ARPP21: variants seen among roughly 807,000 people sequenced by gnomAD.
The protein encoded by ARPP21 is cAMP regulated phosphoprotein 21.
A neutral mutation model predicts 113.2 loss-of-function variants in ARPP21; 69 were observed. The ratio of observed to expected loss-of-function variants is 0.61; its 90% CI spans 0.50 to 0.74. The LOEUF is 0.74. ARPP21 is among the 30% of genes least tolerant of loss of function. ARPP21 has a pLI of 0.00. For missense variants in ARPP21, 1,070 were observed against 1,037.4 expected (o/e 1.03, Z -0.43); for synonymous variants, 368 against 375.5 (o/e 0.98, Z 0.23).
chr3:35,696,152 C>T (rs773687553), intron 9 of ARPP21, among the ~76,000 whole-genome samples: 6 of 151,498 alleles, frequency 4.0e-5, no homozygotes, highest in Non-Finnish European at 7.4e-5. Flanking sequence ...AAAGGTTAGT[C>T]TGGTATTGAC....
At chr3:35,694,476 C>CAA (rs55693634) in intron 9 of ARPP21, among the ~76,000 whole-genome samples, 2 of 150,888 alleles carry the variant, frequency 1.3e-5, no homozygotes, top group Non-Finnish European at 3.0e-5. Context: ...ACATTTAATA[C>CAA]AAAAAAACCT....
intron 19 of ARPP21, among the ~76,000 whole-genome samples, chr3:35,751,824 T>C (rs1965401): frequency 0.5 from 76,226 of 151,884 alleles, 21,561 homozygotes; most frequent in African/African-American, 0.77. Context: ...ACTCAGCAAG[T>C]TTATTCAGTC....
At chr3:35,746,430 T>A (rs1559830293) in intron 19 of ARPP21, among the ~76,000 whole-genome samples, 1 of 152,322 alleles carries the variant, frequency 6.6e-6, no homozygotes, top group Admixed American at 6.5e-5. Flanking sequence ...GACTATCTCA[T>A]AGAGGAAAGA....
chr3:35,660,120 C>T (rs1321654866), intron 1 of ARPP21, among the ~76,000 whole-genome samples: 3 of 152,144 alleles, frequency 2.0e-5, no homozygotes, highest in Non-Finnish European at 4.4e-5. Flanking sequence ...CTTCTTTCCC[C>T]TTTTTGACAT....
chr3:35,788,006 A>G (rs2096666891), intron 19 of ARPP21, among the ~76,000 whole-genome samples: 1 of 152,216 alleles, frequency 6.6e-6, no homozygotes, highest in African/African-American at 2.4e-5. Context: ...AGATTGTCAT[A>G]ACAAGAGCTT....
chr3:35,789,563 TAAGTGTG>T (rs986726330), intron 19 of ARPP21, among the ~76,000 whole-genome samples: 1 of 151,370 alleles, frequency 6.6e-6, no homozygotes, highest in Non-Finnish European at 1.5e-5. Context: ...GTATTTGCCT[TAAGTGTG>T]TTTACCATGG....
At chr3:35,661,029 C>T (rs1559532902) in intron 1 of ARPP21, among the ~76,000 whole-genome samples, 1 of 152,092 alleles carries the variant, frequency 6.6e-6, no homozygotes, top group Non-Finnish European at 1.5e-5. Flanking sequence ...ATCTTTGCAT[C>T]TCACAATTTT....
intron 19 of ARPP21, 132 bp downstream of exon 19, chr3:35,744,097 A>C: frequency 1.1e-6 from 1 of 941,856 alleles, no homozygotes; most frequent in Non-Finnish European, 1.6e-6. Context: ...AAGATAACAA[A>C]GCATTTGATT....
At chr3:35,688,519 G>A (rs2081271268) in intron 6 of ARPP21, among the ~76,000 whole-genome samples, 1 of 151,442 alleles carries the variant, frequency 6.6e-6, no homozygotes, top group South Asian at 2.1e-4. Flanking sequence ...TACCTATCAT[G>A]GTACAAAACA....
intron 12 of ARPP21, 145 bp downstream of exon 12, chr3:35,715,621 A>G (rs1054865630): frequency 3.6e-6 from 2 of 560,456 alleles, no homozygotes; most frequent in Admixed American, 3.2e-5. Flanking sequence ...ACACACATAT[A>G]TGTTATTTAA....
chr3:35,641,275 G>C (rs1697987994), intron 1 of ARPP21: 1 of 152,138 alleles, frequency 6.6e-6, no homozygotes, highest in African/African-American at 2.4e-5. Context: ...ATTCCCCAAA[G>C]TTGAAATGAA....
At chr3:35,722,779 G>A (rs932195130) in intron 14 of ARPP21, among the ~76,000 whole-genome samples, 13 of 152,190 alleles carry the variant, frequency 8.5e-5, no homozygotes, top group African/African-American at 2.7e-4. Context: ...ATGCTCACAT[G>A]AGTCTGCAAA....
chr3:35,675,192 A>C (rs997185808), intron 1 of ARPP21, among the ~76,000 whole-genome samples: 1 of 151,570 alleles, frequency 6.6e-6, no homozygotes, highest in African/African-American at 2.4e-5. Context: ...GGTTGATGAC[A>C]CCACCTTTCA....
At chr3:35,688,005 T>A (rs2081112283) in intron 6 of ARPP21, 122 bp downstream of exon 6, 2 of 845,418 alleles carry the variant, frequency 2.4e-6, no homozygotes, top group Non-Finnish European at 3.6e-6. Flanking sequence ...TCTATACGTG[T>A]ACGTATCTGT....
intron 6 of ARPP21, among the ~76,000 whole-genome samples, chr3:35,688,529 A>T (rs977549057): frequency 6.6e-6 from 1 of 151,642 alleles, no homozygotes; most frequent in African/African-American, 2.4e-5. Flanking sequence ...GGTACAAAAC[A>T]AAACTAAGTT....
chr3:35,644,690 G>A (rs1186595801), intron 1 of ARPP21, among the ~76,000 whole-genome samples: 1 of 151,802 alleles, frequency 6.6e-6, no homozygotes, highest in Non-Finnish European at 1.5e-5. Context: ...AAAAACAAAG[G>A]GGTTTGTTTG....
At chr3:35,792,042 A>G (rs757928225) in intron 19 of ARPP21, 21 of 170,992 alleles carry the variant, frequency 1.2e-4, no homozygotes, top group Non-Finnish European at 2.1e-4. Context: ...AAAACCAAAG[A>G]AAAAGCCAAA....
At chr3:35,730,447 A>G (rs1032237747) in intron 15 of ARPP21, among the ~76,000 whole-genome samples, 1 of 152,206 alleles carries the variant, frequency 6.6e-6, no homozygotes, top group Non-Finnish European at 1.5e-5. Flanking sequence ...ATGCTGCTAA[A>G]CATCCCCCAA....
At chr3:35,701,612 C>G (rs1383272797) in intron 9 of ARPP21, among the ~76,000 whole-genome samples, 2 of 151,472 alleles carry the variant, frequency 1.3e-5, no homozygotes, top group Non-Finnish European at 3.0e-5. Context: ...TCTATAACAT[C>G]ATTATTTAGT....
Sources: allele counts gnomAD v4.1 joint callset (sites outside exome capture counted in the v4.1 genomes callset), GRCh38; gene constraint gnomAD v4.1.1; transcripts MANE v1.5; gene names NCBI Gene and HGNC (gene_info 2026-07-23, HGNC 2026-07-21).